The following SYTL5 variants were observed in gnomAD, a reference collection of about 807,000 sequenced individuals.
SYTL5 encodes the protein synaptotagmin-like protein 5.
A neutral mutation model predicts 55.9 loss-of-function variants in SYTL5; 34 were observed. That is an observed-to-expected ratio of 0.61 (90% CI 0.46 to 0.81). The LOEUF is 0.81. SYTL5 is among the 30% of genes least tolerant of loss of function. The probability of loss-of-function intolerance (pLI) is 0.00; values close to 1 mark genes in which losing one functional copy is unlikely to be tolerated. For missense variants in SYTL5, 637 were observed against 546.7 expected, an observed-to-expected ratio of 1.17 and a Z score of -1.65; for synonymous variants, 221 against 188.7, an observed-to-expected ratio of 1.17 and a Z score of -1.40.
Position 38,120,353 on chromosome X carries a change from GCCA to G in SYTL5, c.1597-4_1597-2del. On this transcript the variant is annotated splice_acceptor_variant and splice_polypyrimidine_tract_variant and intron_variant, in intron 13 of 16. Transcript: ENST00000297875. LOFTEE classifies it high-confidence loss of function. ...CTTTCAACTTACTTGTTTCTCCTTG[GCCA>G]GGTGGAGTTTGCTCCTGATATTGGC... The G allele has an allele frequency of 1.7e-6, 2 of 1,195,719 alleles. No homozygotes were observed. The highest frequency in any genetic ancestry group is 2.3e-6 in the Non-Finnish European group (2 of 881,362).
chrX:38,008,974 A>G (rs1358443778), intron 1 of SYTL5, among the ~76,000 whole-genome samples: 1 of 112,137 alleles, frequency 8.9e-6, no homozygotes, highest in African/African-American at 3.2e-5. Flanking sequence ...ATAATTCATT[A>G]CAAGTGTGAT....
chrX:38,027,973 G>T (rs1934834311), intron 1 of SYTL5, among the ~76,000 whole-genome samples: 2 of 110,234 alleles, frequency 1.8e-5, no homozygotes, highest in Admixed American at 9.7e-5. Flanking sequence ...ATAGGTGCCT[G>T]CCCCCATGCC....
chrX:38,123,994 T>C (rs1172588031), intron 15 of SYTL5, among the ~76,000 whole-genome samples: 1 of 111,491 alleles, frequency 9.0e-6, no homozygotes, highest in African/African-American at 3.3e-5. Flanking sequence ...TTTTCTCTCT[T>C]ACATGTAAAC....
chrX:37,927,610 C>A, the SYTL5 span, among the ~76,000 whole-genome samples: 1 of 109,359 alleles, frequency 9.1e-6, no homozygotes, highest in Non-Finnish European at 1.9e-5. Flanking sequence ...CTCGTCTCTA[C>A]TGAAAATACA....
At chrX:37,899,879 T>C in the SYTL5 span, among the ~76,000 whole-genome samples, 2 of 111,616 alleles carry the variant, frequency 1.8e-5, no homozygotes, top group African/African-American at 6.5e-5. Context: ...AGGGTTGAAT[T>C]GAATCAGATA....
chrX:37,922,584 T>A, the SYTL5 span, among the ~76,000 whole-genome samples: 1 of 112,183 alleles, frequency 8.9e-6, no homozygotes, highest in African/African-American at 3.2e-5. Flanking sequence ...ACATTTGCTC[T>A]TACATGTGCC....
At chrX:37,910,976 T>TTTTTTTTA in the SYTL5 span, among the ~76,000 whole-genome samples, 1 of 100,613 alleles carries the variant, frequency 9.9e-6, no homozygotes, top group African/African-American at 3.9e-5. Context: ...ACTTTTTTTT[T>TTTTTTTTA]TTTTTTTTGG....
chrX:37,978,894 G>T, the SYTL5 span, among the ~76,000 whole-genome samples: 1 of 111,330 alleles, frequency 9.0e-6, no homozygotes, highest in South Asian at 3.8e-4. Flanking sequence ...GAAGAAGGAA[G>T]GGTAAACATT....
chrX:37,973,300 G>A, the SYTL5 span, among the ~76,000 whole-genome samples: 1 of 110,878 alleles, frequency 9.0e-6, no homozygotes, highest in South Asian at 3.8e-4. Flanking sequence ...ATTTGGGTAA[G>A]AAAAAAAATC....
chrX:37,905,075 T>C, the SYTL5 span, among the ~76,000 whole-genome samples: 2 of 110,856 alleles, frequency 1.8e-5, no homozygotes, highest in Non-Finnish European at 3.8e-5. Flanking sequence ...CTATTAACTC[T>C]TCTAAGTCCT....
At chrX:38,064,249 A>C (rs1394878935) in intron 3 of SYTL5, among the ~76,000 whole-genome samples, 1 of 111,740 alleles carries the variant, frequency 8.9e-6, no homozygotes, top group Admixed American at 9.6e-5. Context: ...CAGCTTGACA[A>C]GATAATGTTA....
chrX:37,891,374 A>T, the SYTL5 span, among the ~76,000 whole-genome samples: 4 of 112,503 alleles, frequency 3.6e-5, no homozygotes, highest in East Asian at 1.1e-3. Flanking sequence ...GAAGCCAATG[A>T]CAAAAGATCA....
At chrX:37,962,208 T>C in the SYTL5 span, among the ~76,000 whole-genome samples, 2 of 111,344 alleles carry the variant, frequency 1.8e-5, no homozygotes, top group African/African-American at 6.5e-5. Context: ...TATCTCCTAA[T>C]GCTATCCCTC....
intron 6 of SYTL5, among the ~76,000 whole-genome samples, chrX:38,077,156 TGGA>T (rs1484474243): frequency 9.0e-6 from 1 of 111,646 alleles, no homozygotes; most frequent in Non-Finnish European, 1.9e-5. Flanking sequence ...CTCTTCTAAC[TGGA>T]GGAGATTATC....
intron 1 of SYTL5, among the ~76,000 whole-genome samples, chrX:38,032,035 G>A (rs933369121): frequency 8.9e-6 from 1 of 112,070 alleles, no homozygotes; most frequent in Non-Finnish European, 1.9e-5. Context: ...ACACATAGGG[G>A]TTTGTGGAAG....
At chrX:38,121,084 G>A (rs1030636928) in intron 14 of SYTL5, among the ~76,000 whole-genome samples, 2 of 111,431 alleles carry the variant, frequency 1.8e-5, no homozygotes, top group Non-Finnish European at 3.8e-5. Context: ...TGGAGCAGGT[G>A]TCTCACATGA....
rs755617218 is a variant in SYTL5, at chrX:38,121,847, T to G, written c.1706-233T>G. Among the ~76,000 whole-genome samples the G allele has an allele frequency of 4.4e-5, 5 of 112,667 alleles. No individual in the cohort carries two copies. The South Asian group carries it at 1.1e-3, about 25-fold the overall frequency. ...TAAGGGAGTGTTTAAAGTTTTAAATTTATTTCTTCATTTGTTTCAACAAAT... is the reference window on the plus strand; with the variant it reads ...TAAGGGAGTGTTTAAAGTTTTAAATGTATTTCTTCATTTGTTTCAACAAAT... On this transcript the variant is annotated intron_variant, in intron 14 of 16. Coordinates refer to ENST00000297875, the MANE Select transcript of SYTL5 (RefSeq NM_138780.3).
At chrX:38,034,407 T>A (rs926899807) in intron 2 of SYTL5, among the ~76,000 whole-genome samples, 1 of 111,922 alleles carries the variant, frequency 8.9e-6, no homozygotes, top group Non-Finnish European at 1.9e-5. Context: ...ATAGGGTTGT[T>A]GTAAAGATTA....
At chrX:37,984,142 C>T in the SYTL5 span, among the ~76,000 whole-genome samples, 3 of 109,952 alleles carry the variant, frequency 2.7e-5, no homozygotes, top group East Asian at 5.7e-4. Flanking sequence ...TAATACAGAC[C>T]GGAGCAGAAA....
Sources: gnomAD v4.1 joint callset for allele counts (sites outside exome capture counted in the v4.1 genomes callset) on GRCh38, gnomAD v4.1.1 for gene constraint, MANE v1.5 for transcripts, NCBI Gene and HGNC (gene_info 2026-07-23, HGNC 2026-07-21) for gene names.